The following CDK8 variants were observed in gnomAD, a reference collection of about 807,000 sequenced individuals.
The protein encoded by CDK8 is cyclin dependent kinase 8.
In CDK8, 29 loss-of-function variants were observed where a neutral mutation model predicts 71.5. The observed-to-expected ratio is 0.41, with a 90% confidence interval of 0.30 to 0.55. The LOEUF (loss-of-function observed/expected upper bound fraction) is 0.55, where lower values mean the gene tolerates loss of function less well. CDK8 is among the 20% of genes least tolerant of loss of function. CDK8 has a pLI of 0.37. For missense variants in CDK8, 288 were observed against 572.6 expected (o/e 0.50, Z 5.07); for synonymous variants, 161 against 192.1 (o/e 0.84, Z 1.34).
chr13:26,349,835 T>C (rs1212539703), intron 3 of CDK8, among the ~76,000 whole-genome samples: 1 of 152,240 alleles, frequency 6.6e-6, no homozygotes, highest in African/African-American at 2.4e-5. Flanking sequence ...TTATTTTCAG[T>C]GGCAGTAGTT....
chr13:26,303,798 A>G (rs1217093807), intron 1 of CDK8, among the ~76,000 whole-genome samples: 1 of 152,186 alleles, frequency 6.6e-6, no homozygotes, highest in Non-Finnish European at 1.5e-5. Flanking sequence ...AATTTTTTAT[A>G]GGTATCAGGG....
Position 26,346,824 on chromosome 13 carries a change from G to A in CDK8, c.205-2248G>A, listed in dbSNP as rs548329513. The stretch of plus-strand genomic sequence containing the variant: ...CACACCAGAGAATAATCTTTAATAT[G>A]TGACTGAATATTTAATTGATTTATA... On this transcript the variant is annotated intron_variant, in intron 2 of 12. Coordinates refer to ENST00000381527, the MANE Select transcript of CDK8 (RefSeq NM_001260.3). Among the ~76,000 whole-genome samples the A allele has an allele frequency of 9.5e-4, 145 of 152,302 alleles. 1 individual carries two copies. The highest frequency in any genetic ancestry group is 3.4e-3 in the African/African-American group (141 of 41,550).
intron 1 of CDK8, among the ~76,000 whole-genome samples, chr13:26,330,305 G>C (rs1203087949): frequency 6.6e-6 from 1 of 151,996 alleles, no homozygotes; most frequent in Non-Finnish European, 1.5e-5. Context: ...TCCTGGGTTC[G>C]AGTGATCCTC....
chr13:26,335,920 T>TAACAACAACAACAACAAC (rs71080255), intron 1 of CDK8, among the ~76,000 whole-genome samples: 2 of 149,976 alleles, frequency 1.3e-5, no homozygotes, highest in South Asian at 2.1e-4. Context: ...TTCTCTTGCT[T>TAACAACAACAACAACAAC]AACAACAACA....
chr13:26,306,466 T>C lies in CDK8; in HGVS notation c.129-31101T>C, dbSNP rs117422483. ...TGCTTATAGTCTAATGCTAGTGATA[T>C]TCTACTTTTTCATTTATTTAAAATA... On this transcript the variant is annotated intron_variant, in intron 1 of 12. Coordinates refer to ENST00000381527, the MANE Select transcript of CDK8 (RefSeq NM_001260.3). Among the ~76,000 whole-genome samples the C allele has an allele frequency of 6.7e-3, 1,027 of 152,240 alleles. 8 individuals carry two copies. Among genetic ancestry groups the C allele is most frequent in the Middle Eastern group, 0.024 (7 of 294 alleles).
At chr13:26,325,849 T>A (rs1169670512) in intron 1 of CDK8, among the ~76,000 whole-genome samples, 2 of 152,164 alleles carry the variant, frequency 1.3e-5, no homozygotes, top group Non-Finnish European at 2.9e-5. Context: ...GAAATACAGA[T>A]CTTTACCATT....
intron 1 of CDK8, 50 bp from the exon 2 acceptor site, chr13:26,337,517 G>T (rs755519710): frequency 2.9e-5 from 20 of 686,610 alleles, no homozygotes; most frequent in Non-Finnish European, 4.1e-5. Context: ...TTATAAAAAT[G>T]CACATAAATA....
chr13:26,350,278 C>T (rs556860941), intron 3 of CDK8, among the ~76,000 whole-genome samples: 2 of 152,202 alleles, frequency 1.3e-5, no homozygotes, highest in South Asian at 2.1e-4. Context: ...AAATAAGATT[C>T]GTGTGAAAAT....
intron 2 of CDK8, among the ~76,000 whole-genome samples, chr13:26,344,933 C>G (rs1210449712): frequency 6.6e-6 from 1 of 151,982 alleles, no homozygotes. Flanking sequence ...GAAAACATAG[C>G]CAGTATTAGA....
At chr13:26,311,022 A>G (rs968019291) in intron 1 of CDK8, among the ~76,000 whole-genome samples, 1 of 138,968 alleles carries the variant, frequency 7.2e-6, no homozygotes, top group Non-Finnish European at 1.5e-5. Context: ...TTTCAGTTCC[A>G]CTTAAGCAAG....
intron 7 of CDK8, among the ~76,000 whole-genome samples, chr13:26,395,771 T>G (rs1013711505): frequency 2.0e-5 from 3 of 152,130 alleles, no homozygotes; most frequent in African/African-American, 7.2e-5. Context: ...AAATAGTTAT[T>G]ACCCCTTCTT....
At chr13:26,301,789 G>C (rs748704573) in intron 1 of CDK8, among the ~76,000 whole-genome samples, 9 of 152,138 alleles carry the variant, frequency 5.9e-5, no homozygotes, top group Non-Finnish European at 1.3e-4. Flanking sequence ...TGGTATTTAA[G>C]AGCGTCTTCA....
chr13:26,349,607 A>G (rs188320753), intron 3 of CDK8, among the ~76,000 whole-genome samples: 37 of 152,338 alleles, frequency 2.4e-4, no homozygotes, highest in African/African-American at 8.4e-4. Flanking sequence ...GGAGAGATCT[A>G]ATAGTTCTAC....
chr13:26,300,504 C>T (rs916229916), intron 1 of CDK8, among the ~76,000 whole-genome samples: 1 of 152,220 alleles, frequency 6.6e-6, no homozygotes, highest in Admixed American at 6.5e-5. Context: ...ACTGATACTG[C>T]GGAAAGCCAA....
At chr13:26,319,925 G>A (rs1026843386) in intron 1 of CDK8, among the ~76,000 whole-genome samples, 8 of 152,064 alleles carry the variant, frequency 5.3e-5, no homozygotes, top group African/African-American at 1.7e-4. Context: ...TTGCATATAT[G>A]GTCAAATGAT....
chr13:26,335,358 C>T (rs547895032), intron 1 of CDK8, among the ~76,000 whole-genome samples: 1 of 152,264 alleles, frequency 6.6e-6, no homozygotes, highest in African/African-American at 2.4e-5. Context: ...GATTTTTGTA[C>T]TATTTGCTAT....
intron 1 of CDK8, among the ~76,000 whole-genome samples, chr13:26,302,187 A>G (rs1565963703): frequency 6.6e-6 from 1 of 152,234 alleles, no homozygotes; most frequent in African/African-American, 2.4e-5. Flanking sequence ...ACCCCAATAG[A>G]ATTCTGCAAT....
At chr13:26,281,360 G>A (rs1296854660) in intron 1 of CDK8, among the ~76,000 whole-genome samples, 5 of 152,306 alleles carry the variant, frequency 3.3e-5, no homozygotes, top group East Asian at 1.9e-4. Context: ...GTAGCCCCAC[G>A]GGGTGGTTAG....
chr13:26,330,492 A>G (rs933428621), intron 1 of CDK8, among the ~76,000 whole-genome samples: 1 of 152,222 alleles, frequency 6.6e-6, no homozygotes, highest in Non-Finnish European at 1.5e-5. Flanking sequence ...GGCGTGAGCT[A>G]CCACGCCCGG....
Sources: gnomAD v4.1 joint callset for allele counts (sites outside exome capture counted in the v4.1 genomes callset) on GRCh38, gnomAD v4.1.1 for gene constraint, MANE v1.5 for transcripts, NCBI Gene and HGNC (gene_info 2026-07-23, HGNC 2026-07-21) for gene names.